Variants in GRIK2 observed in about 807,000 individuals in gnomAD.
GRIK2 encodes glutamate receptor ionotropic, kainate 2.
Under a neutral mutation model 100.3 loss-of-function variants are expected in GRIK2, and 32 were observed. The observed-to-expected ratio is 0.32, with a 90% confidence interval of 0.24 to 0.43. GRIK2 has a LOEUF of 0.43. GRIK2 is among the 20% of genes least tolerant of loss of function. The pLI is 1.00. For missense variants in GRIK2, 843 were observed against 1,114.9 expected, an observed-to-expected ratio of 0.76 and a Z score of 3.47; for synonymous variants, 417 against 389.4, an observed-to-expected ratio of 1.07 and a Z score of -0.83.
intron 14 of GRIK2, among the ~76,000 whole-genome samples, chr6:102,024,026 A>C (rs1327187662): frequency 6.6e-6 from 1 of 151,298 alleles, no homozygotes; most frequent in African/African-American, 2.4e-5. Flanking sequence ...AAAGAGTCTA[A>C]AATCATAGAG....
intron 10 of GRIK2, among the ~76,000 whole-genome samples, chr6:101,846,918 G>C (rs1783844717): frequency 6.6e-6 from 1 of 150,452 alleles, no homozygotes; most frequent in Admixed American, 6.6e-5. Flanking sequence ...CTAAAGATTT[G>C]TTAATTTTGT....
At chr6:101,835,464 C>CTT (rs764148146) in intron 10 of GRIK2, among the ~76,000 whole-genome samples, 963 of 88,862 alleles carry the variant, frequency 0.011, 5 homozygotes, top group East Asian at 0.043. Context: ...CTATGAGTTC[C>CTT]TTTTTTTTTT....
intron 2 of GRIK2, among the ~76,000 whole-genome samples, chr6:101,441,963 CAA>C (rs138479627): frequency 9.5e-4 from 132 of 138,618 alleles, no homozygotes; most frequent in Admixed American, 1.5e-3. Flanking sequence ...TTGGGAGATA[CAA>C]AAAAAAAAAA....
intron 2 of GRIK2, among the ~76,000 whole-genome samples, chr6:101,477,473 G>A (rs1267197630): frequency 6.6e-6 from 1 of 152,178 alleles, no homozygotes; most frequent in African/African-American, 2.4e-5. Context: ...CTCTGTAGCT[G>A]TTCTTTGATT....
intron 7 of GRIK2, among the ~76,000 whole-genome samples, chr6:101,781,585 T>C (rs1779098482): frequency 6.6e-6 from 1 of 152,148 alleles, no homozygotes; most frequent in African/African-American, 2.4e-5. Context: ...CCCTCTGGTA[T>C]ATACATACAT....
chr6:101,776,615 T>C (rs1778763295), intron 7 of GRIK2, among the ~76,000 whole-genome samples: 1 of 152,198 alleles, frequency 6.6e-6, no homozygotes, highest in Non-Finnish European at 1.5e-5. Context: ...GTAGTGAAAT[T>C]ATCTGTGCAA....
rs1178065291 is a variant in GRIK2, at chr6:101,953,115, T to G, written c.2085+24483T>G. Among the ~76,000 whole-genome samples the G allele has an allele frequency of 2.0e-5, 3 of 152,342 alleles. No homozygotes were observed. The East Asian group carries it at 5.8e-4, about 29-fold the overall frequency. On this transcript the variant is annotated intron_variant, in intron 14 of 16. Transcript: ENST00000369134. Reference sequence around the variant, plus strand: ...TGTATCAAAATTTTATTCTTCTTTTTGCAGAATAATATTGTACTACATTGA... The same window carrying G: ...TGTATCAAAATTTTATTCTTCTTTTGGCAGAATAATATTGTACTACATTGA...
At chr6:101,498,748 A>T (rs930128884) in intron 2 of GRIK2, among the ~76,000 whole-genome samples, 13 of 151,684 alleles carry the variant, frequency 8.6e-5, no homozygotes, top group East Asian at 1.9e-4. Flanking sequence ...GTTTGAGTTC[A>T]TTGTAGATTC....
rs1016023577 is a variant in GRIK2, at chr6:102,053,123, C to T, written c.2312-2207C>T. On this transcript the variant is annotated intron_variant, in intron 15 of 16. Coordinates refer to ENST00000369134, the MANE Select transcript of GRIK2 (RefSeq NM_021956.5). ...ACACACACACACACACATACATACA[C>T]ACACAAAGAAAAGAAATTACAACTT... Among the ~76,000 whole-genome samples, 3 of 142,072 alleles carry T rather than the reference C, an allele frequency of 2.1e-5. 1 individual carries two copies. The highest frequency in any genetic ancestry group is 7.6e-5 in the African/African-American group (3 of 39,472). 93.2% of individuals were successfully genotyped at this position (142,072 alleles called of 152,430 possible).
intron 7 of GRIK2, among the ~76,000 whole-genome samples, chr6:101,711,325 T>A (rs1171409272): frequency 1.3e-5 from 2 of 151,766 alleles, no homozygotes; most frequent in Admixed American, 1.3e-4. Flanking sequence ...GCCCACAAAA[T>A]AATATTTTAA....
At chr6:101,547,155 T>A (rs867752051) in intron 2 of GRIK2, among the ~76,000 whole-genome samples, 2 of 151,724 alleles carry the variant, frequency 1.3e-5, no homozygotes, top group Non-Finnish European at 1.5e-5. Flanking sequence ...AGCTCATGCC[T>A]CATTCTGATA....
chr6:101,596,880 C>T (rs1778952102), intron 2 of GRIK2, among the ~76,000 whole-genome samples: 1 of 151,616 alleles, frequency 6.6e-6, no homozygotes, highest in African/African-American at 2.4e-5. Context: ...TAACCAATCG[C>T]ATTACAGGCT....
chr6:102,003,959 A>C lies in GRIK2; in HGVS notation c.2086-31382A>C, dbSNP rs150766473. 2.0e-3 allele frequency among the ~76,000 whole-genome samples: 310 copies of C among 151,678 alleles called. 1 individual carries two copies. The highest frequency in any genetic ancestry group is 7.3e-3 in the African/African-American group (303 of 41,494). ...TATTAAAGTTTTATTTTTGTTAACT[A>C]TATTTTCTTTTTTCTCTCTTATTAA... On this transcript the variant is annotated intron_variant, in intron 14 of 16. Coordinates refer to ENST00000369134, the MANE Select transcript of GRIK2 (RefSeq NM_021956.5).
At chr6:101,883,855 C>CTAA (rs1165922624) in intron 11 of GRIK2, among the ~76,000 whole-genome samples, 1 of 152,142 alleles carries the variant, frequency 6.6e-6, no homozygotes, top group Admixed American at 6.6e-5. Flanking sequence ...AATGATGGAA[C>CTAA]TAATGTTGAT....
chr6:101,559,548 A>G (rs764474092), intron 2 of GRIK2, among the ~76,000 whole-genome samples: 23 of 152,158 alleles, frequency 1.5e-4, no homozygotes, highest in Non-Finnish European at 2.8e-4. Flanking sequence ...TTTAACTGTA[A>G]GTATCTAAAA....
chr6:101,794,946 A>G (rs1562393170), intron 7 of GRIK2, among the ~76,000 whole-genome samples: 2 of 151,686 alleles, frequency 1.3e-5, no homozygotes, highest in South Asian at 4.2e-4. Context: ...GCTGACTGCA[A>G]CTTCTGCCTC....
At chr6:101,919,279 G>A (rs527573407) in intron 12 of GRIK2, among the ~76,000 whole-genome samples, 22 of 151,818 alleles carry the variant, frequency 1.4e-4, no homozygotes, top group South Asian at 2.1e-4. Context: ...TAGAAAGTCC[G>A]TGATTAAGAA....
chr6:101,735,209 G>C (rs1362363058), intron 7 of GRIK2, among the ~76,000 whole-genome samples: 1 of 152,148 alleles, frequency 6.6e-6, no homozygotes. Context: ...TTCCTAGGTA[G>C]AGAATGTAAA....
chr6:101,705,854 T>G (rs934631962), intron 7 of GRIK2, among the ~76,000 whole-genome samples: 3 of 151,966 alleles, frequency 2.0e-5, no homozygotes, highest in Non-Finnish European at 2.9e-5. Context: ...GTTTCTTTTT[T>G]AGCTGTTTAA....
Sources: gnomAD v4.1 joint callset for allele counts (sites outside exome capture counted in the v4.1 genomes callset) on GRCh38, gnomAD v4.1.1 for gene constraint, MANE v1.5 for transcripts, NCBI Gene and HGNC (gene_info 2026-07-23, HGNC 2026-07-21) for gene names.